Variants in ANKH observed in about 807,000 individuals in gnomAD.
ANKH encodes the protein mineralization regulator ANKH.
In ANKH, 15 loss-of-function variants were observed where a neutral mutation model predicts 49.0. The observed-to-expected ratio is 0.31, with a 90% confidence interval of 0.20 to 0.47. The LOEUF (loss-of-function observed/expected upper bound fraction) is 0.47, where lower values mean the gene tolerates loss of function less well. Ranked by LOEUF, ANKH falls within the 20% of genes least tolerant of loss-of-function variation. The pLI is 1.00. For synonymous variants in ANKH, 273 were observed against 260.0 expected (o/e 1.05, Z -0.48); for missense variants, 429 against 652.0 (o/e 0.66, Z 3.72).
chr5:14,848,532 C>A (rs1357561061), intron 1 of ANKH, among the ~76,000 whole-genome samples: 1 of 152,228 alleles, frequency 6.6e-6, no homozygotes, highest in African/African-American at 2.4e-5. Context: ...CCGTCCGGCA[C>A]TGATCACCGC....
intron 1 of ANKH, among the ~76,000 whole-genome samples, chr5:14,790,036 T>A (rs577918749): frequency 6.6e-6 from 1 of 152,326 alleles, no homozygotes; most frequent in African/African-American, 2.4e-5. Context: ...GTAAAATTAA[T>A]AGCTGTGACA....
At chr5:14,754,660 C>T (rs955075215) in intron 4 of ANKH, among the ~76,000 whole-genome samples, 1 of 151,906 alleles carries the variant, frequency 6.6e-6, no homozygotes, top group African/African-American at 2.4e-5. Flanking sequence ...GGAGTAAACA[C>T]GATTAATCTG....
chr5:14,775,117 C>CA (rs1739573837), intron 1 of ANKH, among the ~76,000 whole-genome samples: 1 of 151,930 alleles, frequency 6.6e-6, no homozygotes, highest in East Asian at 1.9e-4. Context: ...AGAACTGTGG[C>CA]AAAATCACAG....
At chr5:14,779,890 T>C (rs934832423) in intron 1 of ANKH, among the ~76,000 whole-genome samples, 3 of 152,202 alleles carry the variant, frequency 2.0e-5, no homozygotes, top group Non-Finnish European at 4.4e-5. Flanking sequence ...ATGGGACACA[T>C]AATTAGCCTC....
rs1409506408 is a variant in ANKH at position 14,867,549 on chromosome 5, T to C, written c.96+3803A>G. On this transcript the variant is annotated intron_variant, in intron 1 of 11. Coordinates refer to ENST00000284268, the MANE Select transcript of ANKH (RefSeq NM_054027.6). ...TTCAGTTTCTGCAAAAGGAGATGTGTTCCCATTTTCTTTTTTTTTTTGAGA... is the reference window on the plus strand; with the variant it reads ...TTCAGTTTCTGCAAAAGGAGATGTGCTCCCATTTTCTTTTTTTTTTTGAGA... Among the ~76,000 whole-genome samples the C allele has an allele frequency of 3.9e-5, 6 of 152,230 alleles. No homozygotes were observed. In the East Asian group the frequency reaches 1.2e-3, roughly 29 times the overall value.
intron 1 of ANKH, among the ~76,000 whole-genome samples, chr5:14,799,529 T>C (rs1740498478): frequency 6.6e-6 from 1 of 152,218 alleles, no homozygotes; most frequent in Non-Finnish European, 1.5e-5. Flanking sequence ...CTAATGCAGG[T>C]GGCGAACTTA....
At position 14,711,223 on chromosome 5, in the gene ANKH, C is replaced by T. The variant is rs143550972; in HGVS notation, c.1453G>A (p.Val485Met). 806 of 1,614,152 alleles carry T rather than the reference C, an allele frequency of 5.0e-4. 8 individuals are homozygous for T. The African/African-American group carries it at 9.0e-3, about 18-fold the overall frequency. Residue 485 changes from valine (V) to methionine (M), a missense_variant, in exon 12 of 12, where the codon GTG (valine) becomes ATG (methionine). Val to Met is a conservative substitution (Grantham distance 21). Around this residue, in one of 2 missense-constraint regions of ANKH, gnomAD observed 51 missense variants for 36.7 expected, o/e 1.39. Coordinates refer to ENST00000284268, the MANE Select transcript of ANKH (RefSeq NM_054027.6). ...MPPTEEVTDIVEMREENE is the reference protein window; with the variant it reads ...MPPTEEVTDIMEMREENE ...TATTCATTCTCCTCTCTCATTTCCACGATGTCTGTCACCTCCTCTGTCGGA... is the reference window on the plus strand; with the variant it reads ...TATTCATTCTCCTCTCTCATTTCCATGATGTCTGTCACCTCCTCTGTCGGA...
chr5:14,781,536 C>G (rs1378443073), intron 1 of ANKH, among the ~76,000 whole-genome samples: 1 of 152,142 alleles, frequency 6.6e-6, no homozygotes, highest in Non-Finnish European at 1.5e-5. Context: ...TTCAATATGT[C>G]AGGAGAAAAC....
chr5:14,796,065 C>T (rs568651284), intron 1 of ANKH, among the ~76,000 whole-genome samples: 4 of 152,026 alleles, frequency 2.6e-5, no homozygotes, highest in East Asian at 1.9e-4. Flanking sequence ...AAATTCTTTT[C>T]GACGTGATAT....
intron 1 of ANKH, among the ~76,000 whole-genome samples, chr5:14,778,040 C>A (rs1561051109): frequency 6.6e-6 from 1 of 152,200 alleles, no homozygotes; most frequent in African/African-American, 2.4e-5. Flanking sequence ...ACTTGTGTTA[C>A]CTCCACCTGA....
In ANKH at chr5:14,737,107, T is replaced by G. The variant is rs1312956718; in HGVS notation, c.1011+4720A>C. Among the ~76,000 whole-genome samples the G allele has an allele frequency of 1.3e-5, 2 of 152,242 alleles. No homozygotes were observed. The highest frequency in any genetic ancestry group is 2.9e-5 in the Non-Finnish European group (2 of 68,040). On this transcript the variant is annotated intron_variant, in intron 8 of 11. Transcript: ENST00000284268. This position sits in a 1 kb window ranked among gnomAD's most constrained non-coding sequence, Gnocchi z 5.0. ...TGGCTATGGACTTCAGAAACAGTTT[T>G]AAAAAGTCATGTTTTGGGTAAATTG...
At chr5:14,785,484 C>A (rs557962778) in intron 1 of ANKH, among the ~76,000 whole-genome samples, 12 of 152,194 alleles carry the variant, frequency 7.9e-5, no homozygotes, top group Non-Finnish European at 1.5e-4. Context: ...TGATTGGAAG[C>A]TTCCTGAGGC....
intron 2 of ANKH, among the ~76,000 whole-genome samples, chr5:14,767,922 G>A (rs1439807704): frequency 6.6e-6 from 1 of 152,202 alleles, no homozygotes; most frequent in Non-Finnish European, 1.5e-5. Context: ...GGAAATGAGA[G>A]GCAGCTCCTC....
At chr5:14,711,578 C>T (rs939916635) in intron 11 of ANKH, among the ~76,000 whole-genome samples, 3 of 152,192 alleles carry the variant, frequency 2.0e-5, no homozygotes, top group Non-Finnish European at 2.9e-5. Flanking sequence ...CCAGACAACC[C>T]GCTCCCTGCT....
At chr5:14,760,923 A>G (rs1739053453) in intron 2 of ANKH, among the ~76,000 whole-genome samples, 1 of 152,210 alleles carries the variant, frequency 6.6e-6, no homozygotes, top group Non-Finnish European at 1.5e-5. Context: ...GCATCTCAGG[A>G]TGTGACCTTA....
At chr5:14,867,828 C>A (rs528306564) in intron 1 of ANKH, among the ~76,000 whole-genome samples, 1 of 152,248 alleles carries the variant, frequency 6.6e-6, no homozygotes, top group South Asian at 2.1e-4. Context: ...CAAAGGTGTT[C>A]CCATTTTCTA....
rs1737790413 is a variant in ANKH, at chr5:14,725,320, T to C, written c.1012-8485A>G. Among the ~76,000 whole-genome samples the C allele has an allele frequency of 6.6e-6, 1 of 152,234 alleles. No individual in the cohort carries two copies. The highest frequency in any genetic ancestry group is 2.4e-5 in the African/African-American group (1 of 41,474). ...CTGCCCAGAGTGCTGGTCTGCCAAC[T>C]GTGGACTGGTCCACACTGAGATAAG... On this transcript the variant is annotated intron_variant, in intron 8 of 11. Coordinates refer to ENST00000284268, the MANE Select transcript of ANKH (RefSeq NM_054027.6). This position sits in a 1 kb window ranked among gnomAD's most constrained non-coding sequence, Gnocchi z 4.0.
intron 5 of ANKH, among the ~76,000 whole-genome samples, chr5:14,750,438 T>C (rs1462035198): frequency 6.6e-6 from 1 of 152,226 alleles, no homozygotes; most frequent in Non-Finnish European, 1.5e-5. Flanking sequence ...ACTATGTTCC[T>C]TCTCCCAGTG....
At position 14,749,324 on chromosome 5, in the gene ANKH, G is replaced by A. The variant is rs987745127; in HGVS notation, c.688-18C>T. 3.7e-6 allele frequency: 6 copies of A among 1,613,894 alleles called. No homozygotes were observed. The highest frequency in any genetic ancestry group is 5.1e-6 in the Non-Finnish European group (6 of 1,179,954). On this transcript the variant is annotated intron_variant, in intron 5 of 11. Transcript: ENST00000284268. The stretch of plus-strand genomic sequence containing the variant: ...GCATCTCCCTGTGTTAAGAAACGAA[G>A]ATAAAAGTTACCTGAACTCTAGAAG...
Sources: gnomAD v4.1 joint callset for allele counts (sites outside exome capture counted in the v4.1 genomes callset) on GRCh38, gnomAD v4.1.1 for gene constraint, gnomAD v4.1.1 regional missense constraint, Gnocchi (gnomAD v3.1) non-coding constraint, MANE v1.5 for transcripts, NCBI Gene and HGNC (gene_info 2026-07-23, HGNC 2026-07-21) for gene names.